Variants in PRR16 observed in about 807,000 individuals in gnomAD.
PRR16 encodes the protein proline rich 16.
PRR16 carries 6 observed loss-of-function variants against 18.2 expected under a neutral mutation model. The observed-to-expected ratio is 0.33, with a 90% confidence interval of 0.18 to 0.65. The LOEUF (loss-of-function observed/expected upper bound fraction) is 0.65, where lower values mean the gene tolerates loss of function less well. PRR16 is among the 30% of genes least tolerant of loss of function. The pLI is 0.74. For missense variants in PRR16, 412 were observed against 376.6 expected, an observed-to-expected ratio of 1.09 and a Z score of -0.78; for synonymous variants, 151 against 147.8, an observed-to-expected ratio of 1.02 and a Z score of -0.16.
chr5:120,787,574 A>G, the PRR16 span, among the ~76,000 whole-genome samples: 1 of 152,172 alleles, frequency 6.6e-6, no homozygotes, highest in Non-Finnish European at 1.5e-5. Flanking sequence ...TGGAACAAGA[A>G]ACGCCTATAA....
chr5:120,553,594 ACT>A (rs1752323326), intron 1 of PRR16, among the ~76,000 whole-genome samples: 1 of 151,868 alleles, frequency 6.6e-6, no homozygotes, highest in South Asian at 2.1e-4. Flanking sequence ...TTAAAGCCAA[ACT>A]CACAGCAATG....
chr5:120,698,416 C>T, the PRR16 span, among the ~76,000 whole-genome samples: 1 of 152,000 alleles, frequency 6.6e-6, no homozygotes, highest in South Asian at 2.1e-4. Flanking sequence ...TCAGCAAAGT[C>T]CTGCCAGCAA....
the PRR16 span, among the ~76,000 whole-genome samples, chr5:120,758,693 C>G: frequency 6.6e-6 from 1 of 151,986 alleles, no homozygotes. Flanking sequence ...CCTTGCTTCC[C>G]CTTGGCCTCC....
chr5:120,549,264 T>C (rs1165968098), intron 1 of PRR16, among the ~76,000 whole-genome samples: 1 of 152,000 alleles, frequency 6.6e-6, no homozygotes, highest in Non-Finnish European at 1.5e-5. Flanking sequence ...CCCAGCTAAT[T>C]TTTTTGTTTT....
the PRR16 span, chr5:120,781,447 A>G: frequency 6.6e-6 from 1 of 152,174 alleles, no homozygotes; most frequent in African/African-American, 2.4e-5. Flanking sequence ...ATGGTAATAA[A>G]CTAGAGGAAA....
At chr5:120,500,677 C>T (rs890229052) in intron 1 of PRR16, among the ~76,000 whole-genome samples, 8 of 152,196 alleles carry the variant, frequency 5.3e-5, no homozygotes, top group Admixed American at 2.0e-4. Context: ...AATGGAAACA[C>T]CACATGGAAA....
At chr5:120,616,889 T>A (rs149473916) in intron 1 of PRR16, among the ~76,000 whole-genome samples, 34 of 152,274 alleles carry the variant, frequency 2.2e-4, no homozygotes, top group African/African-American at 7.5e-4. Flanking sequence ...CAATACGTGG[T>A]CTTTCACATG....
chr5:120,603,214 T>C (rs940875208), intron 1 of PRR16, among the ~76,000 whole-genome samples: 14 of 152,044 alleles, frequency 9.2e-5, no homozygotes, highest in African/African-American at 3.4e-4. Context: ...GGTTGGTAGG[T>C]TTTGTATTAC....
At chr5:120,756,799 T>C in the PRR16 span, among the ~76,000 whole-genome samples, 2 of 152,092 alleles carry the variant, frequency 1.3e-5, no homozygotes, top group Non-Finnish European at 2.9e-5. Context: ...TTTAGTTTAA[T>C]TAGGTCCTAC....
chr5:120,606,098 A>G (rs534287279), intron 1 of PRR16, among the ~76,000 whole-genome samples: 1 of 152,320 alleles, frequency 6.6e-6, no homozygotes, highest in Non-Finnish European at 1.5e-5. Flanking sequence ...ATGCTGCATG[A>G]TGGTGGGACA....
At position 120,548,255 on chromosome 5, in the gene PRR16, C is replaced by T. The variant is rs138009175; in HGVS notation, c.159+83610C>T. Reference sequence around the variant, plus strand: ...TAAATATATTCACTTTCTTGATACTCAGCAATGCTTGCTTACCTGAGCACA... The same window carrying T: ...TAAATATATTCACTTTCTTGATACTTAGCAATGCTTGCTTACCTGAGCACA... On this transcript the variant is annotated intron_variant, in intron 1 of 1. Transcript: ENST00000407149. Among the ~76,000 whole-genome samples the T allele has an allele frequency of 2.2e-3, 335 of 152,202 alleles. 2 individuals carry two copies. Among genetic ancestry groups the T allele is most frequent in the African/African-American group, 7.9e-3 (328 of 41,562 alleles).
At chr5:120,705,088 A>T in the PRR16 span, among the ~76,000 whole-genome samples, 5 of 151,880 alleles carry the variant, frequency 3.3e-5, no homozygotes, top group Non-Finnish European at 7.4e-5. Context: ...TAAAAAAAAA[A>T]GGAGAGTACA....
chr5:120,771,387 A>T, the PRR16 span, among the ~76,000 whole-genome samples: 1 of 152,074 alleles, frequency 6.6e-6, no homozygotes, highest in Non-Finnish European at 1.5e-5. Flanking sequence ...TGAGCCAGAG[A>T]ATAGCCTAAG....
chr5:120,780,474 A>T, the PRR16 span, among the ~76,000 whole-genome samples: 3 of 152,142 alleles, frequency 2.0e-5, no homozygotes, highest in Non-Finnish European at 4.4e-5. Context: ...TTTCATGATA[A>T]TATTTTCAAC....
intron 1 of PRR16, among the ~76,000 whole-genome samples, chr5:120,651,902 C>G (rs1283069983): frequency 6.6e-6 from 1 of 151,942 alleles, no homozygotes. Flanking sequence ...GGCATTGAAT[C>G]TATAAATTAC....
chr5:120,545,652 A>G (rs1752052472), intron 1 of PRR16, among the ~76,000 whole-genome samples: 1 of 152,100 alleles, frequency 6.6e-6, no homozygotes, highest in Non-Finnish European at 1.5e-5. Flanking sequence ...CTGTGGAGAA[A>G]TATCCTAAAA....
the PRR16 span, among the ~76,000 whole-genome samples, chr5:120,698,507 A>ATC: frequency 1.2e-5 from 1 of 81,350 alleles, no homozygotes; most frequent in African/African-American, 4.9e-5. Context: ...GGCTTGGAGA[A>ATC]ACAGTGTAAA....
the PRR16 span, among the ~76,000 whole-genome samples, chr5:120,750,112 A>G: frequency 1.3e-5 from 2 of 152,158 alleles, no homozygotes; most frequent in Non-Finnish European, 2.9e-5. Flanking sequence ...ATTCAGCAGT[A>G]TGGTTTAGTT....
chr5:120,576,665 A>T (rs1753088657), intron 1 of PRR16, among the ~76,000 whole-genome samples: 1 of 152,128 alleles, frequency 6.6e-6, no homozygotes, highest in Non-Finnish European at 1.5e-5. Flanking sequence ...TTGAGCTGGG[A>T]CAGTGGTCTT....
Sources: allele counts gnomAD v4.1 joint callset (sites outside exome capture counted in the v4.1 genomes callset), GRCh38; gene constraint gnomAD v4.1.1; transcripts MANE v1.5; gene names NCBI Gene and HGNC (gene_info 2026-07-23, HGNC 2026-07-21).